The following ADAMTS3 variants were observed in gnomAD, a reference collection of about 807,000 sequenced individuals.
ADAMTS3 encodes ADAM metallopeptidase with thrombospondin type 1 motif 3, also known as A disintegrin and metalloproteinase with thrombospondin motifs 3.
Under a neutral mutation model 129.0 loss-of-function variants are expected in ADAMTS3, and 73 were observed. The ratio of observed to expected loss-of-function variants is 0.57; its 90% CI spans 0.47 to 0.69. The LOEUF is 0.69. Among genes scored for constraint, ADAMTS3 ranks in the 30% least tolerant of loss-of-function variants. ADAMTS3 has a pLI of 0.00. For missense variants in ADAMTS3, 1,457 were observed against 1,514.5 expected (o/e 0.96, Z 0.63); for synonymous variants, 477 against 510.8 (o/e 0.93, Z 0.89).
intron 3 of ADAMTS3, among the ~76,000 whole-genome samples, chr4:72,499,228 C>T (rs906537649): frequency 1.3e-5 from 2 of 152,130 alleles, no homozygotes; most frequent in African/African-American, 4.8e-5. Flanking sequence ...GAAATTTCTT[C>T]CCATTATTAA....
At chr4:72,549,022 A>T (rs939723110) in intron 2 of ADAMTS3, 138 bp from the exon 3 acceptor site, 7 of 696,366 alleles carry the variant, frequency 1.0e-5, no homozygotes, top group African/African-American at 1.8e-5. Flanking sequence ...CAGCTCATAA[A>T]TATTAAATTT....
At chr4:72,499,548 G>T (rs1234781077) in intron 3 of ADAMTS3, among the ~76,000 whole-genome samples, 1 of 152,110 alleles carries the variant, frequency 6.6e-6, no homozygotes, top group Non-Finnish European at 1.5e-5. Context: ...ACCGACCTAT[G>T]TACTTGCCAT....
intron 4 of ADAMTS3, among the ~76,000 whole-genome samples, chr4:72,373,630 G>A (rs1168592753): frequency 6.6e-6 from 1 of 152,100 alleles, no homozygotes; most frequent in Non-Finnish European, 1.5e-5. Context: ...TGGGCATGTT[G>A]GCTCACACCT....
intron 4 of ADAMTS3, among the ~76,000 whole-genome samples, chr4:72,342,595 A>C (rs1327073538): frequency 1.3e-5 from 2 of 151,866 alleles, no homozygotes; most frequent in Non-Finnish European, 2.9e-5. Flanking sequence ...CTGGTCTCAA[A>C]CTCCTGACCT....
At chr4:72,535,381 C>T (rs570855576) in intron 3 of ADAMTS3, among the ~76,000 whole-genome samples, 15 of 152,246 alleles carry the variant, frequency 9.9e-5, no homozygotes, top group East Asian at 3.9e-4. Context: ...AGGCTTCGTA[C>T]GATCAGCTCA....
intron 5 of ADAMTS3, among the ~76,000 whole-genome samples, chr4:72,334,808 G>A (rs894872454): frequency 2.6e-5 from 4 of 152,072 alleles, no homozygotes; most frequent in African/African-American, 9.7e-5. Flanking sequence ...TAACATATAT[G>A]ACAAATCTCT....
chr4:72,405,924 A>C (rs1722038415), intron 4 of ADAMTS3, among the ~76,000 whole-genome samples: 1 of 152,184 alleles, frequency 6.6e-6, no homozygotes, highest in Non-Finnish European at 1.5e-5. Context: ...GTAAGAGCCA[A>C]AGCCTTTTCT....
intron 3 of ADAMTS3, among the ~76,000 whole-genome samples, chr4:72,491,999 G>A (rs562139168): frequency 1.3e-5 from 2 of 151,664 alleles, no homozygotes; most frequent in East Asian, 3.9e-4. Context: ...TAGTTTGAAA[G>A]TTTCTCAAAA....
At chr4:72,489,166 A>G (rs560926649) in intron 3 of ADAMTS3, among the ~76,000 whole-genome samples, 17 of 152,052 alleles carry the variant, frequency 1.1e-4, no homozygotes, top group African/African-American at 3.4e-4. Flanking sequence ...CCATTCATAC[A>G]TTGACAGACA....
chr4:72,524,140 T>G (rs1449151831), intron 3 of ADAMTS3, among the ~76,000 whole-genome samples: 1 of 152,286 alleles, frequency 6.6e-6, no homozygotes, highest in Admixed American at 6.5e-5. Flanking sequence ...ATTACTTAGC[T>G]GGCATTGTGC....
intron 4 of ADAMTS3, among the ~76,000 whole-genome samples, chr4:72,401,304 C>T (rs1578648680): frequency 1.3e-5 from 2 of 151,896 alleles, no homozygotes; most frequent in African/African-American, 2.4e-5. Context: ...CGGTGGCTCA[C>T]ACCTGTAATC....
At chr4:72,434,795 G>C (rs1197740732) in intron 3 of ADAMTS3, among the ~76,000 whole-genome samples, 1 of 151,798 alleles carries the variant, frequency 6.6e-6, no homozygotes, top group Non-Finnish European at 1.5e-5. Flanking sequence ...ATTAGGGTTG[G>C]GTTTCTTCTG....
chr4:72,508,171 C>T (rs1171155551), intron 3 of ADAMTS3, among the ~76,000 whole-genome samples: 1 of 152,102 alleles, frequency 6.6e-6, no homozygotes, highest in Non-Finnish European at 1.5e-5. Flanking sequence ...AGAAGTCCCC[C>T]TAAACACACA....
intron 1 of ADAMTS3, chr4:72,567,977 AG>A (rs1447127794): frequency 6.5e-6 from 1 of 153,242 alleles, no homozygotes; most frequent in African/African-American, 2.4e-5. Flanking sequence ...GAGCCTCCAA[AG>A]GGTTGGGGGC....
At chr4:72,382,541 C>T (rs1333138608) in intron 4 of ADAMTS3, among the ~76,000 whole-genome samples, 1 of 151,966 alleles carries the variant, frequency 6.6e-6, no homozygotes, top group African/African-American at 2.4e-5. Context: ...GGTATCTACC[C>T]AAAGGAAAAG....
intron 3 of ADAMTS3, among the ~76,000 whole-genome samples, chr4:72,495,529 T>C (rs1719852992): frequency 6.6e-6 from 1 of 152,042 alleles, no homozygotes; most frequent in African/African-American, 2.4e-5. Context: ...ACTACCTTTT[T>C]ACAAAGAAAA....
chr4:72,533,497 A>G (rs557021481), intron 3 of ADAMTS3, among the ~76,000 whole-genome samples: 2 of 149,628 alleles, frequency 1.3e-5, no homozygotes, highest in African/African-American at 2.4e-5. Context: ...AGTGTAGAAC[A>G]GTAAATAAAC....
intron 3 of ADAMTS3, among the ~76,000 whole-genome samples, chr4:72,419,049 T>C (rs1722378889): frequency 6.6e-6 from 1 of 152,210 alleles, no homozygotes; most frequent in African/African-American, 2.4e-5. Context: ...TTCTCCAGGC[T>C]TCAACTTAAA....
At chr4:72,557,420 C>T (rs1342299739) in intron 2 of ADAMTS3, among the ~76,000 whole-genome samples, 1 of 151,862 alleles carries the variant, frequency 6.6e-6, no homozygotes, top group Non-Finnish European at 1.5e-5. Flanking sequence ...AAATTCTGAA[C>T]ACAGTCAAAT....
Sources: allele counts gnomAD v4.1 joint callset (sites outside exome capture counted in the v4.1 genomes callset), GRCh38; gene constraint gnomAD v4.1.1; transcripts MANE v1.5; gene names NCBI Gene and HGNC (gene_info 2026-07-23, HGNC 2026-07-21).